Variants in WARS2 observed in about 807,000 individuals in gnomAD.
WARS2 encodes tryptophan--tRNA ligase, mitochondrial.
WARS2 carries 28 observed loss-of-function variants against 36.5 expected under a neutral mutation model. The ratio of observed to expected loss-of-function variants is 0.77; its 90% confidence interval spans 0.57 to 1.05. WARS2 has a LOEUF of 1.05. Ranked by LOEUF, WARS2 falls within the 50% of genes least tolerant of loss-of-function variation. The probability of loss-of-function intolerance (pLI) is 0.00; values close to 1 mark genes in which losing one functional copy is unlikely to be tolerated. For synonymous variants in WARS2, 174 were observed against 178.4 expected, an observed-to-expected ratio of 0.98 and a Z score of 0.20; for missense variants, 435 against 456.8, an observed-to-expected ratio of 0.95 and a Z score of 0.44.
At chr1:119,123,202 G>T (rs1172099050) in intron 1 of WARS2, among the ~76,000 whole-genome samples, 1 of 152,138 alleles carries the variant, frequency 6.6e-6, no homozygotes, top group Non-Finnish European at 1.5e-5. Flanking sequence ...TCCCTTGAAG[G>T]GTGGAAACTT....
chr1:119,067,380 C>T (rs752812481), intron 2 of WARS2, among the ~76,000 whole-genome samples: 2 of 152,154 alleles, frequency 1.3e-5, no homozygotes, highest in Non-Finnish European at 2.9e-5. Context: ...AAACAAAAAT[C>T]ACATGAAGCA....
chr1:119,076,284 T>A, intron 2 of WARS2, 66 bp downstream of exon 2: 1 of 1,578,290 alleles, frequency 6.3e-7, no homozygotes, highest in Admixed American at 1.8e-5. Context: ...GTATGAACCA[T>A]TCAACATTTT....
intron 1 of WARS2, among the ~76,000 whole-genome samples, chr1:119,104,101 G>T (rs998458679): frequency 6.6e-6 from 1 of 151,422 alleles, no homozygotes; most frequent in Non-Finnish European, 1.5e-5. Flanking sequence ...TTATAGGCAT[G>T]AGCCACTGAG....
intron 2 of WARS2, chr1:119,047,582 A>T (rs1394004597): frequency 6.6e-6 from 1 of 152,222 alleles, no homozygotes; most frequent in Non-Finnish European, 1.5e-5. Context: ...AAGTAGGTAA[A>T]AGGTCAATGG....
chr1:119,115,640 T>C (rs1571380774), intron 1 of WARS2, among the ~76,000 whole-genome samples: 2 of 152,150 alleles, frequency 1.3e-5, no homozygotes, highest in Admixed American at 1.3e-4. Context: ...GGATATACAA[T>C]ACAAAAAGGC....
At chr1:119,137,878 T>C (rs1034398290) in intron 1 of WARS2, among the ~76,000 whole-genome samples, 1 of 152,168 alleles carries the variant, frequency 6.6e-6, no homozygotes, top group Non-Finnish European at 1.5e-5. Flanking sequence ...AGATGCCCTA[T>C]GCCAACATTT....
chr1:119,050,391 T>C (rs929152719), intron 2 of WARS2, among the ~76,000 whole-genome samples: 2 of 152,206 alleles, frequency 1.3e-5, no homozygotes, highest in African/African-American at 4.8e-5. Flanking sequence ...CATCACCTTC[T>C]AATATACTTT....
At chr1:119,132,560 T>C (rs587620454) in intron 1 of WARS2, among the ~76,000 whole-genome samples, 2 of 152,278 alleles carry the variant, frequency 1.3e-5, no homozygotes, top group African/African-American at 4.8e-5. Context: ...GGAATCCAAA[T>C]CTGCGATTTG....
intron 2 of WARS2, among the ~76,000 whole-genome samples, chr1:119,073,803 T>C (rs192199042): frequency 2.0e-5 from 3 of 152,334 alleles, no homozygotes; most frequent in Admixed American, 6.5e-5. Context: ...ATCTCAATTA[T>C]TGCAAATTTT....
chr1:119,060,579 A>T (rs1412193497), intron 2 of WARS2, among the ~76,000 whole-genome samples: 1 of 152,226 alleles, frequency 6.6e-6, no homozygotes, highest in African/African-American at 2.4e-5. Context: ...TATTGGATAA[A>T]TTCTAACACA....
intron 1 of WARS2, among the ~76,000 whole-genome samples, chr1:119,082,822 C>T (rs1652305115): frequency 6.6e-6 from 1 of 152,162 alleles, no homozygotes; most frequent in Admixed American, 6.5e-5. Flanking sequence ...AGGTGTGACC[C>T]CCTCAAAATT....
intron 5 of WARS2, among the ~76,000 whole-genome samples, chr1:119,033,730 T>G (rs1223380229): frequency 6.6e-6 from 1 of 152,234 alleles, no homozygotes; most frequent in Non-Finnish European, 1.5e-5. Context: ...CATTTTTGAT[T>G]AACAGTGTTT....
chr1:119,126,468 A>G, intron 1 of WARS2: 1 of 424,316 alleles, frequency 2.4e-6, no homozygotes, highest in Non-Finnish European at 4.2e-6. Flanking sequence ...TAACACTCTG[A>G]GGTAGATACT....
intron 1 of WARS2, among the ~76,000 whole-genome samples, chr1:119,112,601 CA>C: frequency 6.6e-6 from 1 of 152,160 alleles, no homozygotes; most frequent in Non-Finnish European, 1.5e-5. Flanking sequence ...ACTGCTAACA[CA>C]AAAATACGGT....
At chr1:119,092,280 C>A (rs781240124) in intron 1 of WARS2, among the ~76,000 whole-genome samples, 4 of 152,094 alleles carry the variant, frequency 2.6e-5, no homozygotes, top group Non-Finnish European at 5.9e-5. Context: ...AGGAATTGCA[C>A]CCTGTTAAAG....
At chr1:119,061,648 G>C (rs1416337172) in intron 2 of WARS2, among the ~76,000 whole-genome samples, 1 of 152,066 alleles carries the variant, frequency 6.6e-6, no homozygotes, top group Non-Finnish European at 1.5e-5. Flanking sequence ...CAGCATTAAA[G>C]TGTTCACAGG....
At position 119,066,523 on chromosome 1, in the gene WARS2, ATAATG is replaced by A. The variant is rs201793820; in HGVS notation, c.348+9822_348+9826del. ...AAGACAAGCTACAAACTGAAAAATG[ATAATG>A]TATAACAAAGGATTGGTACTCAGAA... On this transcript the variant is annotated intron_variant, in intron 2 of 5. Coordinates refer to ENST00000235521, the MANE Select transcript of WARS2 (RefSeq NM_015836.4). 8.3e-4 allele frequency among the ~76,000 whole-genome samples: 126 copies of A among 151,850 alleles called. 2 individuals carry two copies. The East Asian group carries it at 0.022, about 26-fold the overall frequency.
At chr1:119,072,358 G>GT (rs2101289221) in intron 2 of WARS2, among the ~76,000 whole-genome samples, 2 of 152,282 alleles carry the variant, frequency 1.3e-5, no homozygotes, top group East Asian at 3.9e-4. Context: ...TGGGACAGCA[G>GT]TTTATAGTCA....
chr1:119,047,340 C>G (rs903167196), intron 2 of WARS2: 1 of 152,028 alleles, frequency 6.6e-6, no homozygotes, highest in Admixed American at 6.5e-5. Flanking sequence ...AGATAATAAC[C>G]ATGGATATGT....
Sources: allele counts gnomAD v4.1 joint callset (sites outside exome capture counted in the v4.1 genomes callset), GRCh38; gene constraint gnomAD v4.1.1; transcripts MANE v1.5; gene names NCBI Gene and HGNC (gene_info 2026-07-23, HGNC 2026-07-21).